MAGI1: variants seen among roughly 807,000 people sequenced by gnomAD.
MAGI1 encodes membrane-associated guanylate kinase, WW and PDZ domain-containing protein 1.
MAGI1 carries 58 observed loss-of-function variants against 139.9 expected under a neutral mutation model. That is an observed-to-expected ratio of 0.41 (90% CI 0.34 to 0.52). The LOEUF (loss-of-function observed/expected upper bound fraction) is 0.52. Ranked by LOEUF, MAGI1 falls within the 20% of genes least tolerant of loss-of-function variation. MAGI1 has a pLI of 0.12. For missense variants in MAGI1, 1,874 were observed against 1,901.6 expected, an observed-to-expected ratio of 0.99 and a Z score of 0.27; for synonymous variants, 812 against 737.9, an observed-to-expected ratio of 1.10 and a Z score of -1.63.
chr3:65,836,502 A>G (rs1247125584), intron 1 of MAGI1, among the ~76,000 whole-genome samples: 1 of 152,190 alleles, frequency 6.6e-6, no homozygotes, highest in Non-Finnish European at 1.5e-5. Context: ...GACGAGACCA[A>G]TAGGAAAGAT....
chr3:66,006,543 T>C (rs1165232792), intron 1 of MAGI1, among the ~76,000 whole-genome samples: 2 of 152,166 alleles, frequency 1.3e-5, no homozygotes, highest in Non-Finnish European at 2.9e-5. Flanking sequence ...CAAACTAGAA[T>C]GGTTTATTTT....
rs139655855 is a variant in MAGI1 at position 66,011,279 on chromosome 3, G to A, written c.313+26717C>T. Among the ~76,000 whole-genome samples, 621 of 152,200 alleles carry A rather than the reference G, an allele frequency of 4.1e-3. 4 individuals carry two copies. The highest frequency in any genetic ancestry group is 0.014 in the African/African-American group (591 of 41,546). The stretch of plus-strand genomic sequence containing the variant: ...GGAACGGCCCAAGTATTCTTTTCTC[G>A]ACAACAAACGTTGCAACAGTCCTAG... On this transcript the variant is annotated intron_variant, in intron 1 of 22. Transcript: ENST00000402939.
chr3:65,388,963 C>T (rs1943674620), intron 14 of MAGI1, among the ~76,000 whole-genome samples: 1 of 150,784 alleles, frequency 6.6e-6, no homozygotes, highest in Non-Finnish European at 1.5e-5. Flanking sequence ...CCTGCCTCAG[C>T]CTCCCGAGTA....
At chr3:65,536,745 G>C (rs1469532008) in intron 2 of MAGI1, among the ~76,000 whole-genome samples, 1 of 152,052 alleles carries the variant, frequency 6.6e-6, no homozygotes, top group African/African-American at 2.4e-5. Flanking sequence ...TAACCATTGA[G>C]AAAAAGGAGA....
At chr3:65,611,625 C>T (rs2083125657) in intron 2 of MAGI1, among the ~76,000 whole-genome samples, 1 of 108,856 alleles carries the variant, frequency 9.2e-6, no homozygotes, top group African/African-American at 3.3e-5. Flanking sequence ...CTAGTATATA[C>T]AGTATATATA....
chr3:65,955,086 T>C (rs1004620761), intron 1 of MAGI1, among the ~76,000 whole-genome samples: 7 of 152,004 alleles, frequency 4.6e-5, no homozygotes, highest in Non-Finnish European at 8.8e-5. Context: ...CTTCCCTTAC[T>C]TAACTTCCCG....
intron 1 of MAGI1, among the ~76,000 whole-genome samples, chr3:65,845,123 C>G (rs2036071): frequency 0.063 from 9,575 of 151,824 alleles, 479 homozygotes; most frequent in South Asian, 0.23. Context: ...TGGTGGTGCA[C>G]GCCTGTAGTC....
chr3:65,548,625 C>T (rs774044877), intron 2 of MAGI1, among the ~76,000 whole-genome samples: 4 of 147,248 alleles, frequency 2.7e-5, no homozygotes, highest in African/African-American at 7.6e-5. Context: ...CAGGTTCAAG[C>T]TATTCTCCTG....
chr3:65,376,190 G>A (rs1050118570), intron 17 of MAGI1, among the ~76,000 whole-genome samples: 5 of 152,158 alleles, frequency 3.3e-5, no homozygotes. Flanking sequence ...TTCAAAATTA[G>A]GGGAATCCCC....
intron 1 of MAGI1, among the ~76,000 whole-genome samples, chr3:65,828,024 T>C (rs1249279835): frequency 6.6e-6 from 1 of 152,182 alleles, no homozygotes; most frequent in East Asian, 1.9e-4. Flanking sequence ...ACAAAATACA[T>C]GTTCAACTAG....
chr3:65,495,553 A>G (rs1033381711), intron 2 of MAGI1, among the ~76,000 whole-genome samples: 5 of 152,240 alleles, frequency 3.3e-5, no homozygotes, highest in Non-Finnish European at 5.9e-5. Flanking sequence ...CTGGTGAACA[A>G]GACAAAGCTC....
intron 1 of MAGI1, among the ~76,000 whole-genome samples, chr3:65,834,794 G>T (rs150534151): frequency 6.6e-6 from 1 of 152,300 alleles, no homozygotes; most frequent in African/African-American, 2.4e-5. Flanking sequence ...TTGCTATGTC[G>T]ACATGGTGGA....
intron 1 of MAGI1, among the ~76,000 whole-genome samples, chr3:65,849,180 C>G (rs1014675779): frequency 6.6e-6 from 1 of 151,348 alleles, no homozygotes; most frequent in East Asian, 1.9e-4. Flanking sequence ...TGTGCCACCA[C>G]GCCTGACTAA....
chr3:65,548,804 T>C (rs955192324), intron 2 of MAGI1, among the ~76,000 whole-genome samples: 2 of 152,072 alleles, frequency 1.3e-5, no homozygotes, highest in African/African-American at 4.8e-5. Context: ...ATTACAGGTG[T>C]AAGCCACCGC....
At chr3:65,556,178 T>C (rs551874068) in intron 2 of MAGI1, among the ~76,000 whole-genome samples, 4 of 152,246 alleles carry the variant, frequency 2.6e-5, no homozygotes, top group East Asian at 3.9e-4. Flanking sequence ...ACTTAAAAGA[T>C]TGCATCTTCT....
chr3:65,493,697 G>A, intron 2 of MAGI1, 66 bp from the exon 3 acceptor site: 1 of 1,594,014 alleles, frequency 6.3e-7, no homozygotes, highest in South Asian at 1.1e-5. Flanking sequence ...TCCACATCCA[G>A]GTGTAATTAA....
chr3:65,367,398 C>T (rs1343442205), intron 18 of MAGI1, among the ~76,000 whole-genome samples: 2 of 151,502 alleles, frequency 1.3e-5, no homozygotes, highest in Admixed American at 1.3e-4. Context: ...ATTTTTTTTC[C>T]TCATCTGTAT....
At chr3:65,422,984 G>T (rs1316163993) in intron 12 of MAGI1, among the ~76,000 whole-genome samples, 2 of 152,164 alleles carry the variant, frequency 1.3e-5, no homozygotes, top group Non-Finnish European at 2.9e-5. Context: ...ACTGGAGGAA[G>T]CACTGAGACC....
At chr3:65,629,023 A>C (rs2084136304) in intron 1 of MAGI1, among the ~76,000 whole-genome samples, 1 of 152,270 alleles carries the variant, frequency 6.6e-6, no homozygotes, top group Non-Finnish European at 1.5e-5. Flanking sequence ...TTTTCTTGCC[A>C]TTATTTAAAC....
Sources: allele counts gnomAD v4.1 joint callset (sites outside exome capture counted in the v4.1 genomes callset), GRCh38; gene constraint gnomAD v4.1.1; transcripts MANE v1.5; gene names NCBI Gene and HGNC (gene_info 2026-07-23, HGNC 2026-07-21).